The following PRPF19 variants were observed in gnomAD, a reference collection of about 807,000 sequenced individuals.
PRPF19 encodes the protein pre-mRNA processing factor 19.
A neutral mutation model predicts 64.2 loss-of-function variants in PRPF19; 2 were observed. The observed-to-expected ratio is 0.03, with a 90% CI of 0.01 to 0.10. The LOEUF (loss-of-function observed/expected upper bound fraction) is 0.10. Among genes scored for constraint, PRPF19 ranks in the 10% least tolerant of loss-of-function variants. PRPF19 has a pLI of 1.00. For synonymous variants in PRPF19, 226 were observed against 251.6 expected, an observed-to-expected ratio of 0.90 and a Z score of 0.96; for missense variants, 314 against 650.0, an observed-to-expected ratio of 0.48 and a Z score of 5.62.
chr11:60,891,988 G>A (rs899234641), intron 15 of PRPF19, among the ~76,000 whole-genome samples: 3 of 152,182 alleles, frequency 2.0e-5, no homozygotes, highest in Non-Finnish European at 4.4e-5. Flanking sequence ...TAATGAGGAC[G>A]AGAATTTCAT....
In PRPF19 at chr11:60,890,863, GA is replaced by G. The variant is rs1412288922; in HGVS notation, c.*302del. 1 of 531,878 alleles carries G rather than the reference GA, an allele frequency of 1.9e-6. No individual in the cohort carries two copies. The highest frequency in any genetic ancestry group is 3.6e-6 in the Non-Finnish European group (1 of 276,698). The allele number at this position is 531,878 out of a possible 1,614,324, so 32.9% of individuals were successfully genotyped here. A position where few individuals can be genotyped will look rare whatever the true frequency, so the allele number is the denominator to read the frequency against. ...CAGGAACTGCAACAAAATGGGTGTG[GA>G]ACAGCCACCACCACGTCCATTGAAC... On this transcript the variant is annotated 3_prime_UTR_variant, in exon 16 of 16. Coordinates refer to ENST00000227524, the MANE Select transcript of PRPF19 (RefSeq NM_014502.5).
At position 60,899,269 on chromosome 11, in the gene PRPF19, G is replaced by C. The variant is rs746683897; in HGVS notation, c.864C>G (p.Ile288Met). 24 of 1,613,172 alleles carry C rather than the reference G, an allele frequency of 1.5e-5. No individual in the cohort carries two copies. The East Asian group carries it at 4.9e-4, about 33-fold the overall frequency. Residue 288 changes from isoleucine to methionine, a missense_variant, in exon 11 of 16, where the codon ATC becomes ATG. Ile to Met is a conservative substitution (Grantham distance 10). Coordinates refer to ENST00000227524, the MANE Select transcript of PRPF19 (RefSeq NM_014502.5). ...LVFSASPDATIRIWSVPNASC... is the reference protein window; with the variant it reads ...LVFSASPDATMRIWSVPNASC... ...AGGCATTGGGGACCGACCAAATCCT[G>C]ATAGTGGCATCGGGGGAAGCAGAAA...
Position 60,890,879 on chromosome 11 carries a change from G to A in PRPF19, c.*287C>T, listed in dbSNP as rs546254747. 2.2e-5 allele frequency: 12 copies of A among 551,960 alleles called. No individual in the cohort carries two copies. Among genetic ancestry groups the A allele is most frequent in the African/African-American group, 1.5e-4 (8 of 53,658 alleles). The allele number at this position is 551,960 out of a possible 1,614,324, so 34.2% of individuals were successfully genotyped here. Reference sequence around the variant, plus strand: ...ATGGGTGTGGAACAGCCACCACCACGTCCATTGAACGACAGGAAGGGAGAG... The same window carrying A: ...ATGGGTGTGGAACAGCCACCACCACATCCATTGAACGACAGGAAGGGAGAG... On this transcript the variant is annotated 3_prime_UTR_variant, in exon 16 of 16. Transcript: ENST00000227524.
rs201221725 is a variant in PRPF19, at chr11:60,891,228, G to A, written c.1453C>T (p.His485Tyr). ...GTTGAAGCGATGAACTTGGCGTGATGCCCGAAGGCCACCCCTGTGGTCAGG... is the reference window on the plus strand; with the variant it reads ...GTTGAAGCGATGAACTTGGCGTGATACCCGAAGGCCACCCCTGTGGTCAGG... Reference protein sequence around the residue: ...SGLTTGVAFGHHAKFIASTGM... With the variant: ...SGLTTGVAFGYHAKFIASTGM... Residue 485 changes from histidine (H) to tyrosine (Y), a missense_variant, in exon 16 of 16, where the codon CAT becomes TAT. Coordinates refer to ENST00000227524, the MANE Select transcript of PRPF19 (RefSeq NM_014502.5). The A allele has an allele frequency of 2.5e-5, 41 of 1,613,238 alleles. No individual in the cohort carries two copies. Among genetic ancestry groups the A allele is most frequent in the Non-Finnish European group, 3.3e-5 (39 of 1,179,698 alleles).
At chr11:60,892,936 C>G (rs1015324385) in intron 15 of PRPF19, among the ~76,000 whole-genome samples, 1 of 151,972 alleles carries the variant, frequency 6.6e-6, no homozygotes, top group Non-Finnish European at 1.5e-5. Context: ...CCCATCCCCC[C>G]ACATAACTTG....
At chr11:60,904,986 G>A (rs935080202) in intron 1 of PRPF19, among the ~76,000 whole-genome samples, 1 of 152,176 alleles carries the variant, frequency 6.6e-6, no homozygotes, top group African/African-American at 2.4e-5. Context: ...CAACTGATTA[G>A]CGTACAGACA....
chr11:60,906,419 G>GCTCCGGGACTAGCTTCTGAGC lies in PRPF19; in HGVS notation c.-58_-38dup. The GCTCCGGGACTAGCTTCTGAGC allele has an allele frequency of 6.5e-7, 1 of 1,546,602 alleles. No homozygotes were observed. The highest frequency in any genetic ancestry group is 8.7e-7 in the Non-Finnish European group (1 of 1,147,844). Reference sequence around the variant, plus strand: ...CGTGCTCCGAGGCGCCACACGCCGGGCTCCGGGACTAGCTTCTGAGCCTCC... The same window carrying GCTCCGGGACTAGCTTCTGAGC: ...CGTGCTCCGAGGCGCCACACGCCGGGCTCCGGGACTAGCTTCTGAGCCTCCGGGACTAGCTTCTGAGCCTCC... On this transcript the variant is annotated 5_prime_UTR_variant, in exon 1 of 16. Coordinates refer to ENST00000227524, the MANE Select transcript of PRPF19 (RefSeq NM_014502.5).
At chr11:60,906,057 C>T (rs1856042269) in intron 1 of PRPF19, among the ~76,000 whole-genome samples, 1 of 152,256 alleles carries the variant, frequency 6.6e-6, no homozygotes, top group Non-Finnish European at 1.5e-5. Context: ...TTTCTGACTC[C>T]TACATTAAGG....
intron 10 of PRPF19, among the ~76,000 whole-genome samples, chr11:60,899,863 A>G (rs1855962889): frequency 6.6e-6 from 1 of 152,242 alleles, no homozygotes; most frequent in South Asian, 2.1e-4. Flanking sequence ...GCCATAAGGT[A>G]AAAATAACTA....
At position 60,898,601 on chromosome 11, in the gene PRPF19, A is replaced by G. The variant is rs1273965110; in HGVS notation, c.1080T>C (p.Pro360=). ...TTCCTGTTCCAAAGATGAGTCCGTC[A>G]GGGTGGAACTGTGCACAGGTGAGAG... ...GCSLTCAQFH[P]DGLIFGTGTM... The change falls in exon 13 of 16, where the codon CCT becomes CCC. Residue 360 remains proline, a synonymous_variant. Transcript: ENST00000227524. The surrounding 1 kb of genome is among the most constrained non-coding windows in gnomAD (Gnocchi z 4.6). The G allele has an allele frequency of 2.4e-5, 39 of 1,614,164 alleles. No individual in the cohort carries two copies. Among genetic ancestry groups the G allele is most frequent in the Non-Finnish European group, 3.3e-5 (39 of 1,180,018 alleles).
intron 1 of PRPF19, among the ~76,000 whole-genome samples, chr11:60,906,047 T>C (rs977282846): frequency 3.3e-5 from 5 of 152,222 alleles, no homozygotes; most frequent in African/African-American, 1.2e-4. Flanking sequence ...GACCTCGAGT[T>C]TTCTGACTCC....
Position 60,906,551 on chromosome 11 carries a change from CCG to C in PRPF19, c.-171_-170del. On this transcript the variant is annotated 5_prime_UTR_variant, in exon 1 of 16. Transcript: ENST00000227524. Reference sequence around the variant, plus strand: ...GCGCTTCACGTGGGAATGGGGACAGCCGCGCGCCACAGCCTTCAGCACCTAAC... The same window carrying C: ...GCGCTTCACGTGGGAATGGGGACAGCCGCGCCACAGCCTTCAGCACCTAAC... 1.5e-6 allele frequency: 1 copy of C among 668,100 alleles called. No individual in the cohort carries two copies. The highest frequency in any genetic ancestry group is 2.5e-6 in the Non-Finnish European group (1 of 406,798). 41.4% of individuals were successfully genotyped at this position (668,100 alleles called of 1,614,324 possible). A position where few individuals can be genotyped will look rare whatever the true frequency, so the allele number is the denominator to read the frequency against.
In PRPF19 at chr11:60,903,701, C is replaced by T; in HGVS notation, c.169+11G>A. 1.3e-6 allele frequency: 2 copies of T among 1,586,338 alleles called. No individual in the cohort carries two copies. Among genetic ancestry groups the T allele is most frequent in the Non-Finnish European group, 1.7e-6 (2 of 1,168,204 alleles). ...CTAAGATGGCCCTAGACTAAGGCAG[C>T]CAATAGGCACCTTTGATGTCGATGA... On this transcript the variant is annotated intron_variant, in intron 2 of 15. Coordinates refer to ENST00000227524, the MANE Select transcript of PRPF19 (RefSeq NM_014502.5).
In PRPF19 at chr11:60,903,746, C is replaced by T. The variant is rs754681188; in HGVS notation, c.135G>A (p.Gln45=). The T allele has an allele frequency of 6.2e-7, 1 of 1,600,444 alleles. No individual in the cohort carries two copies. Among genetic ancestry groups the T allele is most frequent in the Non-Finnish European group, 8.5e-7 (1 of 1,175,860 alleles). The change falls in exon 2 of 16, where the codon CAG becomes CAA. Residue 45 remains glutamine (Q), a synonymous_variant. Transcript: ENST00000227524. The stretch of plus-strand genomic sequence containing the variant: ...CGATGAGCTGCTCCTCGGAGAGAGG[C>T]TGGTTGTTGATGGGGTCGGTACCAT... ...AENGTDPINN[Q]PLSEEQLIDI... is the part of the protein sequence containing the mutation.
Position 60,898,447 on chromosome 11 carries a change from C to A in PRPF19, c.1140+94G>T. 6.3e-7 allele frequency: 1 copy of A among 1,589,558 alleles called. No individual in the cohort carries two copies. Among genetic ancestry groups the A allele is most frequent in the Non-Finnish European group, 8.6e-7 (1 of 1,166,478 alleles). On this transcript the variant is annotated intron_variant, in intron 13 of 15. Coordinates refer to ENST00000227524, the MANE Select transcript of PRPF19 (RefSeq NM_014502.5). This position sits in a 1 kb window ranked among gnomAD's most constrained non-coding sequence, Gnocchi z 4.6. Reference sequence around the variant, plus strand: ...CGCACAGCCAGTGTCTCTCCACCTTCAGGGCCAGGTGCCACAAGCACCTAA... The same window carrying A: ...CGCACAGCCAGTGTCTCTCCACCTTAAGGGCCAGGTGCCACAAGCACCTAA...
intron 15 of PRPF19, chr11:60,897,585 AT>A (rs1590605867): frequency 2.8e-6 from 1 of 361,456 alleles, no homozygotes; most frequent in East Asian, 5.1e-5. Flanking sequence ...AGATTCAGTT[AT>A]CAAAACTTCA....
At chr11:60,899,995 T>C (rs1376382571) in intron 10 of PRPF19, among the ~76,000 whole-genome samples, 2 of 152,228 alleles carry the variant, frequency 1.3e-5, no homozygotes, top group African/African-American at 4.8e-5. Flanking sequence ...ATTCTTATAT[T>C]TCTCATTTCC....
chr11:60,900,785 A>G, intron 9 of PRPF19, 69 bp downstream of exon 9: 1 of 1,596,806 alleles, frequency 6.3e-7, no homozygotes, highest in Non-Finnish European at 8.6e-7. Flanking sequence ...CATGAAGAGG[A>G]CAAGGAGCAT....
In PRPF19 at chr11:60,900,841, C is replaced by T; in HGVS notation, c.718+13G>A. 4 of 1,614,160 alleles carry T rather than the reference C, an allele frequency of 2.5e-6. No homozygotes were observed. The East Asian group carries it at 6.7e-5, about 27-fold the overall frequency. On this transcript the variant is annotated intron_variant, in intron 9 of 15. Transcript: ENST00000227524. ...CCCCACTTTGGCCTGCCGGGCTAGG[C>T]CCAGACTCTCACCAGTGAGGATCTT...
Sources: gnomAD v4.1 joint callset for allele counts (sites outside exome capture counted in the v4.1 genomes callset) on GRCh38, gnomAD v4.1.1 for gene constraint, Gnocchi (gnomAD v3.1) non-coding constraint, MANE v1.5 for transcripts, NCBI Gene and HGNC (gene_info 2026-07-23, HGNC 2026-07-21) for gene names.